Variants in EYS observed in about 807,000 individuals in gnomAD.
EYS encodes EGF-like photoreceptor maintenance factor.
A neutral mutation model predicts 282.1 loss-of-function variants in EYS; 250 were observed. That is an observed-to-expected ratio of 0.89 (90% CI 0.80 to 0.98). EYS has a LOEUF of 0.98. EYS is among the 50% of genes least tolerant of loss of function. EYS has a pLI of 0.00. For missense variants in EYS, 4,016 were observed against 3,709.0 expected (o/e 1.08, Z -2.15); for synonymous variants, 1,355 against 1,282.9 (o/e 1.06, Z -1.20).
chr6:65,110,728 T>C (rs557326603), intron 12 of EYS, among the ~76,000 whole-genome samples: 84 of 152,200 alleles, frequency 5.5e-4, no homozygotes, highest in African/African-American at 2.0e-3. Flanking sequence ...GTTTGACATA[T>C]AAGGTACATG....
intron 8 of EYS, among the ~76,000 whole-genome samples, chr6:65,382,085 T>C (rs1193816520): frequency 6.6e-6 from 1 of 151,892 alleles, no homozygotes; most frequent in Admixed American, 6.6e-5. Flanking sequence ...GTTATTGTTG[T>C]CTTTTTAAAA....
chr6:65,478,002 C>T (rs1562208888), intron 5 of EYS, among the ~76,000 whole-genome samples: 1 of 152,134 alleles, frequency 6.6e-6, no homozygotes, highest in Non-Finnish European at 1.5e-5. Flanking sequence ...AACATCCCCA[C>T]ATCTCATATT....
intron 22 of EYS, among the ~76,000 whole-genome samples, chr6:64,771,742 A>G (rs1454499060): frequency 6.6e-6 from 1 of 151,808 alleles, no homozygotes; most frequent in Admixed American, 6.6e-5. Context: ...TCTGCCTTAC[A>G]GAATTTATTG....
Position 63,806,277 on chromosome 6 carries a change from A to G in EYS, c.7324T>C (p.Tyr2442His). ...AGCTGAAACTTCAGGTGGAATTCAT[A>G]ATGGAAGCTGATGTCTGAGATCCGT... ...YSRISDISFH[Y>H]EFHLKFQLAN... Residue 2442 changes from tyrosine (Y) to histidine (H), a missense_variant, in exon 37 of 43, where the codon TAT (tyrosine) becomes CAT (histidine). Tyr to His is a moderately conservative substitution (Grantham distance 83). Transcript: ENST00000503581. 1.3e-6 allele frequency: 2 copies of G among 1,551,658 alleles called. No homozygotes were observed. Among genetic ancestry groups the G allele is most frequent in the Non-Finnish European group, 1.7e-6 (2 of 1,146,922 alleles).
At chr6:64,582,817 C>T (rs1007852116) in intron 26 of EYS, among the ~76,000 whole-genome samples, 21 of 152,038 alleles carry the variant, frequency 1.4e-4, no homozygotes, top group Admixed American at 8.5e-4. Context: ...TGGAATAGTA[C>T]AAACTAGCAC....
At chr6:64,184,396 A>G (rs181003031) in intron 31 of EYS, among the ~76,000 whole-genome samples, 54 of 152,272 alleles carry the variant, frequency 3.5e-4, no homozygotes, top group Middle Eastern at 3.4e-3. Flanking sequence ...TTCTTTTTCA[A>G]AAGTAAAGTA....
chr6:63,957,324 C>T (rs1765870500), intron 35 of EYS, among the ~76,000 whole-genome samples: 1 of 140,734 alleles, frequency 7.1e-6, no homozygotes. Flanking sequence ...AACAACAAGG[C>T]AGAGTGCAAC....
At chr6:64,297,106 T>G (rs1769056580) in intron 30 of EYS, among the ~76,000 whole-genome samples, 2 of 152,126 alleles carry the variant, frequency 1.3e-5, no homozygotes, top group Admixed American at 6.5e-5. Context: ...GCACACAGCT[T>G]GTGACGGCCA....
intron 5 of EYS, among the ~76,000 whole-genome samples, chr6:65,419,862 G>A (rs1453474787): frequency 6.6e-6 from 1 of 151,862 alleles, no homozygotes; most frequent in East Asian, 1.9e-4. Flanking sequence ...TCACACAAAT[G>A]TTTTGGCTTC....
chr6:65,297,511 A>G (rs1768699252), intron 11 of EYS, among the ~76,000 whole-genome samples: 1 of 151,988 alleles, frequency 6.6e-6, no homozygotes, highest in East Asian at 1.9e-4. Context: ...TAACGGTAGG[A>G]AGTGTAGTGG....
intron 22 of EYS, among the ~76,000 whole-genome samples, chr6:64,812,380 G>A (rs556603556): frequency 4.1e-4 from 63 of 151,944 alleles, no homozygotes; most frequent in African/African-American, 1.4e-3. Context: ...GTTTGCCTAT[G>A]CTAAATGTAA....
At chr6:65,038,851 A>C (rs147257689) in intron 13 of EYS, among the ~76,000 whole-genome samples, 1 of 151,426 alleles carries the variant, frequency 6.6e-6, no homozygotes, top group East Asian at 1.9e-4. Context: ...TTCAATGAAA[A>C]TATTTTCTCC....
chr6:65,400,392 A>T (rs1766447512), intron 7 of EYS, among the ~76,000 whole-genome samples: 1 of 151,964 alleles, frequency 6.6e-6, no homozygotes, highest in South Asian at 2.1e-4. Flanking sequence ...TATCTGTCTG[A>T]TACCTCCAAG....
At chr6:64,830,590 A>C (rs1031574221) in intron 19 of EYS, among the ~76,000 whole-genome samples, 2 of 151,904 alleles carry the variant, frequency 1.3e-5, no homozygotes, top group Non-Finnish European at 2.9e-5. Flanking sequence ...TTTGCACAGG[A>C]GAGGAGGAAG....
intron 33 of EYS, among the ~76,000 whole-genome samples, chr6:64,022,750 C>A (rs984757518): frequency 6.6e-6 from 1 of 152,150 alleles, no homozygotes; most frequent in African/African-American, 2.4e-5. Context: ...TAGTTTTACC[C>A]ACACCCATCA....
intron 14 of EYS, among the ~76,000 whole-genome samples, chr6:64,964,446 A>G (rs1770029436): frequency 6.6e-6 from 1 of 152,140 alleles, no homozygotes; most frequent in Non-Finnish European, 1.5e-5. Context: ...ATAATGTGTC[A>G]ATTTAAAATG....
intron 2 of EYS, among the ~76,000 whole-genome samples, chr6:65,605,831 T>G (rs1258923611): frequency 6.6e-6 from 1 of 151,784 alleles, no homozygotes; most frequent in Non-Finnish European, 1.5e-5. Context: ...TATATATTTA[T>G]ATATGATTGT....
intron 41 of EYS, among the ~76,000 whole-genome samples, chr6:63,760,156 A>C (rs933648385): frequency 6.6e-6 from 1 of 152,084 alleles, no homozygotes; most frequent in Non-Finnish European, 1.5e-5. Flanking sequence ...CACATTATGG[A>C]ATCTAACTTG....
intron 29 of EYS, among the ~76,000 whole-genome samples, chr6:64,336,219 C>G (rs779334487): frequency 2.6e-5 from 4 of 152,122 alleles, no homozygotes; most frequent in Non-Finnish European, 5.9e-5. Context: ...CACCAAACAA[C>G]TACCTGCTGC....
Sources: allele counts gnomAD v4.1 joint callset (sites outside exome capture counted in the v4.1 genomes callset), GRCh38; gene constraint gnomAD v4.1.1; transcripts MANE v1.5; gene names NCBI Gene and HGNC (gene_info 2026-07-23, HGNC 2026-07-21).